USP42: variants seen among roughly 807,000 people sequenced by gnomAD.
USP42 encodes the protein ubiquitin carboxyl-terminal hydrolase 42.
A neutral mutation model predicts 113.0 loss-of-function variants in USP42; 23 were observed. That is an observed-to-expected ratio of 0.20 (90% CI 0.15 to 0.29). USP42 has a LOEUF of 0.29. Among genes scored for constraint, USP42 ranks in the 10% least tolerant of loss-of-function variants. The pLI is 1.00. For missense variants in USP42, 2,174 were observed against 1,779.8 expected (o/e 1.22, Z -3.99); for synonymous variants, 933 against 699.0 (o/e 1.33, Z -5.28).
the USP42 span, among the ~76,000 whole-genome samples, chr7:6,087,204 G>A: frequency 6.1e-4 from 91 of 148,788 alleles, 2 homozygotes; most frequent in Admixed American, 2.5e-3. Flanking sequence ...GCTAATTTTC[G>A]TAATTTTAGT....
the USP42 span, among the ~76,000 whole-genome samples, chr7:6,092,075 C>T: frequency 4.3e-3 from 179 of 41,512 alleles, 31 homozygotes; most frequent in African/African-American, 0.023. Context: ...TCTTCTTCTT[C>T]CTCTTCCTCT....
At chr7:6,116,550 TAA>T (rs900796307) in intron 3 of USP42, 92 of 270,918 alleles carry the variant, frequency 3.4e-4, no homozygotes, top group Non-Finnish European at 2.3e-4. Flanking sequence ...TACTAGGATT[TAA>T]AAAAAAAAAT....
At position 6,146,162 on chromosome 7, in the gene USP42, C is replaced by T. The variant is rs1354404405; in HGVS notation, c.1146C>T (p.Leu382=). Residue 382 remains leucine, a synonymous_variant, in exon 11 of 18, where the codon CTC becomes CTT. Coordinates refer to ENST00000306177, the MANE Select transcript of USP42 (RefSeq NM_032172.3). ...YFCYIKASNG[L]WYQMNDSIVS... ...CTCATTTATAGGCTAGCAATGGCCT[C>T]TGGTATCAAATGAATGACTCCATTG... is the stretch of plus-strand genomic sequence containing the variant. 6.3e-7 allele frequency: 1 copy of T among 1,595,958 alleles called. No homozygotes were observed. Among genetic ancestry groups the T allele is most frequent in the Non-Finnish European group, 8.5e-7 (1 of 1,171,048 alleles).
At chr7:6,125,578 T>C (rs1583613281) in intron 3 of USP42, among the ~76,000 whole-genome samples, 1 of 152,216 alleles carries the variant, frequency 6.6e-6, no homozygotes, top group East Asian at 1.9e-4. Flanking sequence ...ATCTTTGTGC[T>C]ATTGTTGTCA....
At chr7:6,133,403 G>C (rs548343132) in intron 3 of USP42, among the ~76,000 whole-genome samples, 4 of 152,242 alleles carry the variant, frequency 2.6e-5, no homozygotes, top group Admixed American at 6.5e-5. Context: ...TTCTCTCTCT[G>C]TGTTTTATTA....
intron 12 of USP42, 57 bp downstream of exon 12, chr7:6,147,949 A>C (rs913854661): frequency 5.3e-6 from 8 of 1,520,400 alleles, no homozygotes; most frequent in Non-Finnish European, 7.2e-6. Context: ...TGTAACTTCA[A>C]ACTCTCAAGT....
Position 6,147,757 on chromosome 7 carries a change from T to C in USP42, c.1251T>C (p.Asn417=), listed in dbSNP as rs750005972. ...LFYIRSHDVK[N]GGELTHPTHS... ...TTTCCAGGTCCCATGATGTGAAAAA[T>C]GGAGGTGAACTTACTCATCCCACCC... The change falls in exon 12 of 18, where the codon AAT becomes AAC. Residue 417 remains asparagine, a synonymous_variant. Transcript: ENST00000306177. 7.6e-5 allele frequency: 121 copies of C among 1,585,800 alleles called. No homozygotes were observed. Among genetic ancestry groups the C allele is most frequent in the Non-Finnish European group, 9.3e-5 (108 of 1,160,714 alleles).
In USP42 at chr7:6,107,349, GGC is replaced by G. The variant is rs1779345101; in HGVS notation, c.-10+2318_-10+2319del. Among the ~76,000 whole-genome samples, 8 of 151,886 alleles carry G rather than the reference GGC, an allele frequency of 5.3e-5. No individual in the cohort carries two copies. The South Asian group carries it at 1.7e-3, about 32-fold the overall frequency. On this transcript the variant is annotated intron_variant, in intron 1 of 17. Coordinates refer to ENST00000306177, the MANE Select transcript of USP42 (RefSeq NM_032172.3). ...TGCTGTTTAGTGTTACTGTAAATAAGGCTGGATTAACCTTTTCTTATATTTCT... is the reference window on the plus strand; with the variant it reads ...TGCTGTTTAGTGTTACTGTAAATAAGTGGATTAACCTTTTCTTATATTTCT...
intron 11 of USP42, among the ~76,000 whole-genome samples, chr7:6,146,834 A>G (rs1229700146): frequency 6.6e-6 from 1 of 152,130 alleles, no homozygotes; most frequent in Non-Finnish European, 1.5e-5. Flanking sequence ...TGCGGGCAGT[A>G]ATGGAGTGGG....
chr7:6,158,796 C>T lies in USP42; in HGVS notation c.3944-654C>T, dbSNP rs908772212. On this transcript the variant is annotated intron_variant, in intron 16 of 17. Coordinates refer to ENST00000306177, the MANE Select transcript of USP42 (RefSeq NM_032172.3). This position sits in a 1 kb window ranked among gnomAD's most constrained non-coding sequence, Gnocchi z 4.2. ...CGAGGATGCAGTGGATGGGCTCATTCTGAGTGTGGTGCAGGCTCCCAGGAT... is the reference window on the plus strand; with the variant it reads ...CGAGGATGCAGTGGATGGGCTCATTTTGAGTGTGGTGCAGGCTCCCAGGAT... Among the ~76,000 whole-genome samples, 43 of 152,250 alleles carry T rather than the reference C, an allele frequency of 2.8e-4. No individual in the cohort carries two copies. Among genetic ancestry groups the T allele is most frequent in the African/African-American group, 1.0e-3 (42 of 41,544 alleles).
intron 1 of USP42, among the ~76,000 whole-genome samples, chr7:6,109,599 G>A (rs1485621858): frequency 1.3e-5 from 2 of 151,824 alleles, no homozygotes; most frequent in Non-Finnish European, 2.9e-5. Flanking sequence ...TCCCCATGTT[G>A]GCCAGGCTGG....
chr7:6,157,034 C>A lies in USP42; in HGVS notation c.3922C>A (p.Arg1308Ser), dbSNP rs530309193. The A allele has an allele frequency of 6.2e-7, 1 of 1,608,802 alleles. No homozygotes were observed. The highest frequency in any genetic ancestry group is 1.1e-5 in the South Asian group (1 of 89,982). ...GATGGAAAGCAGGGATGACAGGTGT[C>A]GTCTCTTTGAGTATGGCCAGGGTAA... ...LRMESRDDRC[R>S]LFEYGQGD The change falls in exon 16 of 18, where the codon CGT (arginine) becomes AGT (serine). Residue 1308 changes from arginine to serine, a missense_variant. Coordinates refer to ENST00000306177, the MANE Select transcript of USP42 (RefSeq NM_032172.3). The surrounding 1 kb of genome is among the most constrained non-coding windows in gnomAD (Gnocchi z 4.1).
intron 1 of USP42, among the ~76,000 whole-genome samples, chr7:6,109,529 G>A (rs1779474286): frequency 6.6e-6 from 1 of 152,068 alleles, no homozygotes; most frequent in Admixed American, 6.6e-5. Context: ...AAGTAGCTGG[G>A]AATACAGGCG....
Position 6,147,897 on chromosome 7 carries a change from C to CA in USP42, c.1386+6dup, listed in dbSNP as rs1781815127. 9.4e-6 allele frequency: 15 copies of CA among 1,598,420 alleles called. No homozygotes were observed. The highest frequency in any genetic ancestry group is 1.3e-5 in the Non-Finnish European group (15 of 1,169,442). ...CTTCCCTCTCACATGATAAAGGTAACAGTCCTTAGGGAGAAGAACATTTTT... is the reference window on the plus strand; with the variant it reads ...CTTCCCTCTCACATGATAAAGGTAACAAGTCCTTAGGGAGAAGAACATTTTT... On this transcript the variant is annotated splice_donor_region_variant and intron_variant, in intron 12 of 17. Transcript: ENST00000306177.
At chr7:6,090,267 A>G in the USP42 span, among the ~76,000 whole-genome samples, 1 of 139,898 alleles carries the variant, frequency 7.1e-6, no homozygotes, top group Admixed American at 7.2e-5. Context: ...GCCATTGCAC[A>G]CCAGCCTGGG....
chr7:6,083,839 G>C, the USP42 span, among the ~76,000 whole-genome samples: 2 of 150,472 alleles, frequency 1.3e-5, no homozygotes, highest in African/African-American at 2.5e-5. Context: ...AGAGCTGTTC[G>C]GGGAGAAGTT....
rs1782618661 is a variant in USP42 at position 6,158,996 on chromosome 7, G to T, written c.3944-454G>T. On this transcript the variant is annotated intron_variant, in intron 16 of 17. Coordinates refer to ENST00000306177, the MANE Select transcript of USP42 (RefSeq NM_032172.3). This position sits in a 1 kb window ranked among gnomAD's most constrained non-coding sequence, Gnocchi z 4.2. Reference sequence around the variant, plus strand: ...CCCGTCCCACTGCACCGATGACAGGGTTTGCAGCTGGCGCTTCTGCTGCGA... The same window carrying T: ...CCCGTCCCACTGCACCGATGACAGGTTTTGCAGCTGGCGCTTCTGCTGCGA... Among the ~76,000 whole-genome samples, 1 of 152,156 alleles carries T rather than the reference G, an allele frequency of 6.6e-6. No individual in the cohort carries two copies. Among genetic ancestry groups the T allele is most frequent in the South Asian group, 2.1e-4 (1 of 4,826 alleles).
At chr7:6,100,153 CA>C (rs1790075999), upstream of USP42, among the ~76,000 whole-genome samples, 1 of 148,854 alleles carries the variant, frequency 6.7e-6, no homozygotes, top group Admixed American at 6.7e-5. Flanking sequence ...GCACCTGGCC[CA>C]ATTTCACAGT....
At position 6,160,663 on chromosome 7, in the gene USP42, T is replaced by A. The variant is rs1782724834; in HGVS notation, c.*145T>A. 1 of 152,648 alleles carries A rather than the reference T, an allele frequency of 6.6e-6. No homozygotes were observed. Among genetic ancestry groups the A allele is most frequent in the Non-Finnish European group, 1.5e-5 (1 of 68,042 alleles). 9.5% of individuals were successfully genotyped at this position (152,648 alleles called of 1,614,324 possible). On this transcript the variant is annotated 3_prime_UTR_variant, in exon 18 of 18. Transcript: ENST00000306177. ...CTTCTTTAGTAAATACTGTACAGAT[T>A]TTACCATGGAGAACTTTTTTTTTAG...
Sources: allele counts gnomAD v4.1 joint callset (sites outside exome capture counted in the v4.1 genomes callset), GRCh38; gene constraint gnomAD v4.1.1; non-coding constraint Gnocchi (gnomAD v3.1); transcripts MANE v1.5; gene names NCBI Gene and HGNC (gene_info 2026-07-23, HGNC 2026-07-21).